Variants in PRDM16 observed in about 807,000 individuals in gnomAD.
PRDM16 encodes PR/SET domain 16, also known as histone-lysine N-methyltransferase PRDM16.
Under a neutral mutation model 110.6 loss-of-function variants are expected in PRDM16, and 23 were observed. That is an observed-to-expected ratio of 0.21 (90% CI 0.15 to 0.29). The LOEUF (loss-of-function observed/expected upper bound fraction) is 0.29. Among genes scored for constraint, PRDM16 ranks in the 10% least tolerant of loss-of-function variants. The pLI, the probability that PRDM16 is intolerant of heterozygous loss-of-function variation, is 1.00. For synonymous variants in PRDM16, 799 were observed against 781.8 expected, an observed-to-expected ratio of 1.02 and a Z score of -0.37; for missense variants, 1,615 against 1,794.3, an observed-to-expected ratio of 0.90 and a Z score of 1.81.
intron 1 of PRDM16, among the ~76,000 whole-genome samples, chr1:3,104,938 G>A (rs866275814): frequency 1.1e-3 from 160 of 152,280 alleles, no homozygotes; most frequent in African/African-American, 3.7e-3. Context: ...CCAAGGACAG[G>A]GCTCTTGCAG....
intron 1 of PRDM16, among the ~76,000 whole-genome samples, chr1:3,110,302 C>T (rs1442961323): frequency 7.1e-6 from 1 of 141,804 alleles, no homozygotes; most frequent in Non-Finnish European, 1.5e-5. Flanking sequence ...GTCTGCGGCT[C>T]CCCCATGTCC....
chr1:3,275,497 C>T (rs577026767), intron 3 of PRDM16, among the ~76,000 whole-genome samples: 16 of 152,282 alleles, frequency 1.1e-4, no homozygotes, highest in Middle Eastern at 3.4e-3. Flanking sequence ...CCAGGACTTC[C>T]GGACAAACAG....
At chr1:3,301,878 C>T (rs1184055156) in intron 3 of PRDM16, among the ~76,000 whole-genome samples, 7 of 152,196 alleles carry the variant, frequency 4.6e-5, no homozygotes, top group South Asian at 2.1e-4. Context: ...TATCTCCTGA[C>T]GCCCCCTGTT....
intron 3 of PRDM16, among the ~76,000 whole-genome samples, chr1:3,333,563 C>A (rs1010616359): frequency 6.6e-6 from 1 of 152,198 alleles, no homozygotes; most frequent in Non-Finnish European, 1.5e-5. Context: ...TGAGCACAGA[C>A]GTCTCTCCTC....
At position 3,246,707 on chromosome 1, in the gene PRDM16, G is replaced by A. The variant is rs549421602; in HGVS notation, c.438+2570G>A. Reference sequence around the variant, plus strand: ...CAATAAACACCGTCAGCGTCTGGAGGATTCGAGTGTTTGCCAAGGCCATGC... The same window carrying A: ...CAATAAACACCGTCAGCGTCTGGAGAATTCGAGTGTTTGCCAAGGCCATGC... On this transcript the variant is annotated intron_variant, in intron 3 of 16. Coordinates refer to ENST00000270722, the MANE Select transcript of PRDM16 (RefSeq NM_022114.4). This position sits in a 1 kb window ranked among gnomAD's most constrained non-coding sequence, Gnocchi z 5.2. 2.6e-5 allele frequency among the ~76,000 whole-genome samples: 4 copies of A among 152,260 alleles called. No individual in the cohort carries two copies. The South Asian group carries it at 8.3e-4, about 32-fold the overall frequency.
intron 3 of PRDM16, among the ~76,000 whole-genome samples, chr1:3,312,903 C>T (rs1284512226): frequency 1.3e-5 from 2 of 152,188 alleles, no homozygotes; most frequent in Non-Finnish European, 2.9e-5. Flanking sequence ...CAGAGGTCCA[C>T]ACACGGATAC....
At chr1:3,182,107 G>A (rs1036443446) in intron 1 of PRDM16, among the ~76,000 whole-genome samples, 2 of 152,234 alleles carry the variant, frequency 1.3e-5, no homozygotes, top group South Asian at 4.1e-4. Flanking sequence ...ACCACACGGT[G>A]CCTCTTTCCT....
chr1:3,327,398 C>T lies in PRDM16; in HGVS notation c.439-57754C>T, dbSNP rs556156281. On this transcript the variant is annotated intron_variant, in intron 3 of 16. Transcript: ENST00000270722. ...CCTCTGCCTCCCTTAGATGTGGACACCCAGTCCCAACAGCCCCTCAGCCCC... is the reference window on the plus strand; with the variant it reads ...CCTCTGCCTCCCTTAGATGTGGACATCCAGTCCCAACAGCCCCTCAGCCCC... 2.6e-5 allele frequency among the ~76,000 whole-genome samples: 4 copies of T among 152,204 alleles called. No homozygotes were observed. The South Asian group carries it at 8.3e-4, about 31-fold the overall frequency.
intron 1 of PRDM16, among the ~76,000 whole-genome samples, chr1:3,137,219 T>C (rs1268538077): frequency 6.6e-6 from 1 of 152,152 alleles, no homozygotes; most frequent in Non-Finnish European, 1.5e-5. Flanking sequence ...GCAGGGCCTT[T>C]CCTGCAACAG....
rs1371196583 is a variant in PRDM16, at chr1:3,290,469, A to G, written c.438+46332A>G. Among the ~76,000 whole-genome samples, 1 of 152,202 alleles carries G rather than the reference A, an allele frequency of 6.6e-6. No individual in the cohort carries two copies. Among genetic ancestry groups the G allele is most frequent in the Non-Finnish European group, 1.5e-5 (1 of 68,030 alleles). ...GTTCGAAGCGGTGATTTTTCTCTTG[A>G]GGCCCCTGTGTCCTAGCATTTCTGA... On this transcript the variant is annotated intron_variant, in intron 3 of 16. Transcript: ENST00000270722. The surrounding 1 kb of genome is among the most constrained non-coding windows in gnomAD (Gnocchi z 4.8).
chr1:3,430,146 G>A (rs1158862471), intron 14 of PRDM16, among the ~76,000 whole-genome samples: 7 of 152,206 alleles, frequency 4.6e-5, no homozygotes, highest in Non-Finnish European at 8.8e-5. Flanking sequence ...GCTCTTGGTC[G>A]TGAACATGAA....
chr1:3,199,138 AG>A (rs906580454), intron 2 of PRDM16, among the ~76,000 whole-genome samples: 1 of 152,046 alleles, frequency 6.6e-6, no homozygotes, highest in African/African-American at 2.4e-5. Flanking sequence ...GTGGCGGCAG[AG>A]GGGGATTAGG....
At chr1:3,374,669 G>A (rs1422784585) in intron 3 of PRDM16, among the ~76,000 whole-genome samples, 4 of 152,188 alleles carry the variant, frequency 2.6e-5, no homozygotes, top group Non-Finnish European at 4.4e-5. Context: ...GCAAGCGGAG[G>A]CAGAGGCATT....
intron 1 of PRDM16, among the ~76,000 whole-genome samples, chr1:3,176,332 C>CA (rs1644089960): frequency 4.0e-5 from 3 of 75,776 alleles, no homozygotes; most frequent in Admixed American, 1.4e-4. Flanking sequence ...CCATCCATCC[C>CA]TCCATCCATT....
intron 3 of PRDM16, among the ~76,000 whole-genome samples, chr1:3,286,445 C>T (rs1640845444): frequency 6.6e-6 from 1 of 152,156 alleles, no homozygotes; most frequent in African/African-American, 2.4e-5. Context: ...TTCCCATCAG[C>T]ACCTGCTCTG....
chr1:3,403,893 G>A (rs1643515634), intron 6 of PRDM16, among the ~76,000 whole-genome samples: 2 of 152,236 alleles, frequency 1.3e-5, no homozygotes, highest in Non-Finnish European at 2.9e-5. Flanking sequence ...GCTCCCTGGG[G>A]ACGGCAAACC....
chr1:3,071,638 C>T (rs1570193741), intron 1 of PRDM16, among the ~76,000 whole-genome samples: 1 of 152,310 alleles, frequency 6.6e-6, no homozygotes, highest in East Asian at 1.9e-4. Flanking sequence ...TGTGAACTTC[C>T]CCGGGGACCA....
chr1:3,212,140 C>T (rs1011744392), intron 2 of PRDM16, among the ~76,000 whole-genome samples: 2 of 152,172 alleles, frequency 1.3e-5, no homozygotes, highest in Non-Finnish European at 2.9e-5. Flanking sequence ...GGAAGGACTG[C>T]GCGGCGCGGG....
At chr1:3,238,781 G>C (rs2100902369) in intron 2 of PRDM16, among the ~76,000 whole-genome samples, 1 of 152,350 alleles carries the variant, frequency 6.6e-6, no homozygotes, top group South Asian at 2.1e-4. Context: ...TCTTCTTCCT[G>C]CCGAGGCATC....
Sources: gnomAD v4.1 joint callset for allele counts (sites outside exome capture counted in the v4.1 genomes callset) on GRCh38, gnomAD v4.1.1 for gene constraint, Gnocchi (gnomAD v3.1) non-coding constraint, MANE v1.5 for transcripts, NCBI Gene and HGNC (gene_info 2026-07-23, HGNC 2026-07-21) for gene names.